Variants in MSRA observed in about 807,000 individuals in gnomAD.
The protein encoded by MSRA is mitochondrial peptide methionine sulfoxide reductase.
Under a neutral mutation model 31.3 loss-of-function variants are expected in MSRA, and 54 were observed. The observed-to-expected ratio is 1.73, with a 90% CI of 1.39 to 2.17. MSRA has a LOEUF of 2.17. Among genes scored for constraint, MSRA ranks in the 30% most tolerant of loss-of-function variants. The pLI, the probability that MSRA is intolerant of heterozygous loss-of-function variation, is 0.00. For missense variants in MSRA, 507 were observed against 300.9 expected (o/e 1.69, Z -5.07); for synonymous variants, 169 against 116.5 (o/e 1.45, Z -2.90).
intron 5 of MSRA, among the ~76,000 whole-genome samples, chr8:10,389,396 C>T (rs1247349204): frequency 2.0e-5 from 3 of 152,328 alleles, no homozygotes; most frequent in East Asian, 1.9e-4. Flanking sequence ...CCAAAGTACT[C>T]GCTTCCCTTT....
At chr8:10,088,751 A>G (rs1449846651) in intron 1 of MSRA, among the ~76,000 whole-genome samples, 3 of 152,294 alleles carry the variant, frequency 2.0e-5, no homozygotes, top group East Asian at 3.9e-4. Context: ...AAAAAAGTCT[A>G]TCAAGGGAGG....
At chr8:10,218,312 A>G (rs1241102060) in intron 2 of MSRA, among the ~76,000 whole-genome samples, 1 of 151,662 alleles carries the variant, frequency 6.6e-6, no homozygotes, top group Non-Finnish European at 1.5e-5. Flanking sequence ...CACCTAGCCA[A>G]TTTTTGTATT....
At chr8:10,155,744 A>G (rs1214884855) in intron 1 of MSRA, among the ~76,000 whole-genome samples, 1 of 152,194 alleles carries the variant, frequency 6.6e-6, no homozygotes, top group African/African-American at 2.4e-5. Flanking sequence ...ATCATGGATT[A>G]TAAGTACATT....
intron 5 of MSRA, among the ~76,000 whole-genome samples, chr8:10,366,487 C>T (rs1294587197): frequency 1.3e-5 from 2 of 152,222 alleles, no homozygotes; most frequent in African/African-American, 4.8e-5. Flanking sequence ...ACAGACATTC[C>T]GGAGTCAAGG....
At chr8:10,133,128 ATTG>A (rs1802019712) in intron 1 of MSRA, among the ~76,000 whole-genome samples, 1 of 152,134 alleles carries the variant, frequency 6.6e-6, no homozygotes, top group Non-Finnish European at 1.5e-5. Context: ...TCCTGGATCA[ATTG>A]TTGATGAGGT....
chr8:10,221,461 CT>C (rs1321539712), intron 2 of MSRA, among the ~76,000 whole-genome samples: 1 of 149,786 alleles, frequency 6.7e-6, no homozygotes. Flanking sequence ...TATATTTGTT[CT>C]TTACACTTAA....
intron 1 of MSRA, among the ~76,000 whole-genome samples, chr8:10,117,484 G>A (rs1211721557): frequency 5.9e-5 from 9 of 152,304 alleles, no homozygotes; most frequent in South Asian, 2.1e-4. Flanking sequence ...CTTGGGGCTC[G>A]TCTTTTGGGA....
intron 1 of MSRA, among the ~76,000 whole-genome samples, chr8:10,110,046 C>T (rs377186742): frequency 1.5e-4 from 23 of 152,162 alleles, no homozygotes; most frequent in Admixed American, 6.5e-4. Flanking sequence ...CCTTGGCTCT[C>T]GGATGGGAGG....
chr8:10,256,059 G>C (rs1468307896), intron 3 of MSRA, among the ~76,000 whole-genome samples: 2 of 152,086 alleles, frequency 1.3e-5, no homozygotes, highest in Non-Finnish European at 2.9e-5. Flanking sequence ...TGAGTGACCT[G>C]TGTCCACCAT....
intron 1 of MSRA, among the ~76,000 whole-genome samples, chr8:10,097,303 G>C (rs958335614): frequency 6.6e-6 from 1 of 152,032 alleles, no homozygotes; most frequent in African/African-American, 2.4e-5. Flanking sequence ...TATGTGTGTT[G>C]CCAAAATGAC....
chr8:10,384,541 G>A (rs957018747), intron 5 of MSRA, among the ~76,000 whole-genome samples: 2 of 152,110 alleles, frequency 1.3e-5, no homozygotes, highest in Non-Finnish European at 2.9e-5. Flanking sequence ...AACCAGTGGC[G>A]GTTTGAAAAC....
chr8:10,194,485 G>T (rs146917063), intron 1 of MSRA, among the ~76,000 whole-genome samples: 1 of 152,190 alleles, frequency 6.6e-6, no homozygotes, highest in Non-Finnish European at 1.5e-5. Flanking sequence ...AAAATGGCTT[G>T]AACCTGGGAG....
intron 1 of MSRA, among the ~76,000 whole-genome samples, chr8:10,086,129 G>C (rs896774257): frequency 3.3e-5 from 5 of 152,286 alleles, no homozygotes; most frequent in African/African-American, 7.2e-5. Flanking sequence ...CTGCTAAACT[G>C]TTTATCATGT....
chr8:10,327,593 T>C (rs1802433727), intron 5 of MSRA, among the ~76,000 whole-genome samples: 1 of 152,144 alleles, frequency 6.6e-6, no homozygotes, highest in Admixed American at 6.5e-5. Flanking sequence ...CTGGTGTGTG[T>C]GTTTTGTTGC....
rs529477127 is a variant in MSRA at position 10,231,194 on chromosome 8, A to G, written c.212-13910A>G. On this transcript the variant is annotated intron_variant, in intron 2 of 5. Coordinates refer to ENST00000317173, the MANE Select transcript of MSRA (RefSeq NM_012331.5). Reference sequence around the variant, plus strand: ...AAGGAGGGAGCTGAGGCGGGCGGACAGGGAGGAGGGCTGCAGTGAGGGAGC... The same window carrying G: ...AAGGAGGGAGCTGAGGCGGGCGGACGGGGAGGAGGGCTGCAGTGAGGGAGC... Among the ~76,000 whole-genome samples, 513 of 151,882 alleles carry G rather than the reference A, an allele frequency of 3.4e-3. 2 individuals carry two copies. The highest frequency in any genetic ancestry group is 0.012 in the African/African-American group (494 of 41,394).
intron 5 of MSRA, among the ~76,000 whole-genome samples, chr8:10,391,511 T>G (rs1002399439): frequency 6.6e-6 from 1 of 152,206 alleles, no homozygotes; most frequent in South Asian, 2.1e-4. Flanking sequence ...ATGAAAATAT[T>G]GTTCATCACT....
At chr8:10,283,826 TATATATATATAC>T (rs1445780647) in intron 3 of MSRA, among the ~76,000 whole-genome samples, 4 of 68,392 alleles carry the variant, frequency 5.8e-5, no homozygotes, top group East Asian at 5.6e-4. Context: ...TATATATATA[TATATATATATAC>T]ACACACACAC....
intron 5 of MSRA, among the ~76,000 whole-genome samples, chr8:10,341,101 G>C (rs1215900500): frequency 1.3e-5 from 2 of 152,212 alleles, no homozygotes; most frequent in Non-Finnish European, 1.5e-5. Flanking sequence ...AGGGTCCTTA[G>C]GGGTGGGGCC....
intron 1 of MSRA, among the ~76,000 whole-genome samples, chr8:10,074,232 G>A (rs1044958960): frequency 1.3e-5 from 2 of 151,444 alleles, no homozygotes; most frequent in South Asian, 2.1e-4. Flanking sequence ...ACATGCACCC[G>A]CCACCATGCC....
Sources: allele counts gnomAD v4.1 joint callset (sites outside exome capture counted in the v4.1 genomes callset), GRCh38; gene constraint gnomAD v4.1.1; transcripts MANE v1.5; gene names NCBI Gene and HGNC (gene_info 2026-07-23, HGNC 2026-07-21).